The following LMBR1 variants were observed in gnomAD, a reference collection of about 807,000 sequenced individuals.
The protein encoded by LMBR1 is limb development membrane protein 1.
A neutral mutation model predicts 73.9 loss-of-function variants in LMBR1; 52 were observed. The observed-to-expected ratio is 0.70, with a 90% confidence interval of 0.56 to 0.89. The LOEUF is 0.89. Among genes scored for constraint, LMBR1 ranks in the 40% least tolerant of loss-of-function variants. LMBR1 has a pLI of 0.00. For synonymous variants in LMBR1, 215 were observed against 209.4 expected (o/e 1.03, Z -0.23); for missense variants, 539 against 579.8 (o/e 0.93, Z 0.72).
chr7:156,808,921 A>T (rs1212646530), intron 4 of LMBR1, among the ~76,000 whole-genome samples: 1 of 152,204 alleles, frequency 6.6e-6, no homozygotes, highest in East Asian at 1.9e-4. Context: ...AGAACTTCAC[A>T]ACAGTGTGCT....
chr7:156,885,030 G>A (rs538688149), intron 1 of LMBR1, among the ~76,000 whole-genome samples: 1 of 152,210 alleles, frequency 6.6e-6, no homozygotes, highest in South Asian at 2.1e-4. Flanking sequence ...CCAACTAAAT[G>A]GGAAGGTTCT....
chr7:156,687,368 T>C (rs896705348), intron 16 of LMBR1, among the ~76,000 whole-genome samples: 5 of 152,232 alleles, frequency 3.3e-5, no homozygotes, highest in Non-Finnish European at 4.4e-5. Flanking sequence ...TACTTTGTCC[T>C]GGTATTTTTA....
At chr7:156,692,987 T>C (rs1306375564) in intron 15 of LMBR1, among the ~76,000 whole-genome samples, 2 of 152,138 alleles carry the variant, frequency 1.3e-5, no homozygotes, top group African/African-American at 4.8e-5. Context: ...ATGCAAATTA[T>C]ACTAGATAGG....
rs1804939267 is a variant in LMBR1 at position 156,681,069 on chromosome 7, G to C, written c.*3009C>G. The stretch of plus-strand genomic sequence containing the variant: ...TTTTCAAGTTTAAAAAGTCGGTGCT[G>C]CATCTATGTTCACATTAAAAAAAAA... On this transcript the variant is annotated 3_prime_UTR_variant, in exon 17 of 17. Coordinates refer to ENST00000353442, the MANE Select transcript of LMBR1 (RefSeq NM_022458.4). The C allele has an allele frequency of 2.5e-6, 1 of 404,882 alleles. No individual in the cohort carries two copies. Among genetic ancestry groups the C allele is most frequent in the Non-Finnish European group, 4.7e-6 (1 of 212,274 alleles). The allele number at this position is 404,882 out of a possible 1,614,324, so 25.1% of individuals were successfully genotyped here. A position where few individuals can be genotyped will look rare whatever the true frequency, so the allele number is the denominator to read the frequency against.
chr7:156,735,275 G>C (rs1017610287), intron 9 of LMBR1, among the ~76,000 whole-genome samples: 1 of 152,042 alleles, frequency 6.6e-6, no homozygotes, highest in Non-Finnish European at 1.5e-5. Flanking sequence ...TTCCAGTATC[G>C]TCTTCAGCAC....
chr7:156,796,618 T>G, intron 4 of LMBR1, 126 bp from the exon 5 acceptor site: 1 of 509,690 alleles, frequency 2.0e-6, no homozygotes, highest in East Asian at 3.9e-5. Context: ...AACTTAGAAA[T>G]CATAAAATAA....
chr7:156,859,584 AC>A (rs1231438442), intron 1 of LMBR1, among the ~76,000 whole-genome samples: 5 of 151,542 alleles, frequency 3.3e-5, no homozygotes, highest in African/African-American at 1.2e-4. Flanking sequence ...AAAAAAAACC[AC>A]CATTTACATT....
intron 5 of LMBR1, among the ~76,000 whole-genome samples, chr7:156,787,471 T>TA (rs34665317): frequency 0.082 from 12,426 of 152,044 alleles, 709 homozygotes; most frequent in African/African-American, 0.16. Flanking sequence ...ACCAACTATG[T>TA]AAAAAAAACT....
chr7:156,686,111 G>A (rs1407905455), intron 16 of LMBR1, among the ~76,000 whole-genome samples: 2 of 152,188 alleles, frequency 1.3e-5, no homozygotes, highest in Non-Finnish European at 2.9e-5. Flanking sequence ...AGTGAAGACA[G>A]AGGATCACTG....
chr7:156,723,015 C>A (rs886713290), intron 15 of LMBR1, among the ~76,000 whole-genome samples: 10 of 152,014 alleles, frequency 6.6e-5, no homozygotes, highest in Non-Finnish European at 1.5e-4. Context: ...AAAGAGCATA[C>A]TTTTGGCATT....
intron 5 of LMBR1, among the ~76,000 whole-genome samples, chr7:156,794,309 G>A (rs1396279596): frequency 6.6e-6 from 1 of 152,162 alleles, no homozygotes; most frequent in African/African-American, 2.4e-5. Flanking sequence ...TTAAAATAGA[G>A]GAAGTAAGTG....
chr7:156,737,065 T>C lies in LMBR1; in HGVS notation c.758-2808A>G, dbSNP rs144476909. On this transcript the variant is annotated intron_variant, in intron 9 of 16. Coordinates refer to ENST00000353442, the MANE Select transcript of LMBR1 (RefSeq NM_022458.4). ...CTCCTGTGGAGCATCTCTTGTTTCC[T>C]ACGCAGCCCGTATCTTTTCTTGATT... Among the ~76,000 whole-genome samples, 1,190 of 152,304 alleles carry C rather than the reference T, an allele frequency of 7.8e-3. 9 individuals carry two copies. The highest frequency in any genetic ancestry group is 0.013 in the Non-Finnish European group (894 of 68,016).
At chr7:156,727,778 A>T (rs1816059547) in intron 12 of LMBR1, 152 bp downstream of exon 12, 4 of 425,000 alleles carry the variant, frequency 9.4e-6, no homozygotes, top group African/African-American at 8.1e-5. Flanking sequence ...CACAGTTTAT[A>T]TTTTAAAGGC....
chr7:156,839,511 A>G (rs1838267777), intron 1 of LMBR1, among the ~76,000 whole-genome samples: 1 of 132,780 alleles, frequency 7.5e-6, no homozygotes. Flanking sequence ...TGGAACATGG[A>G]AAAAAAAATT....
intron 12 of LMBR1, 57 bp from the exon 13 acceptor site, chr7:156,725,894 C>G: frequency 7.8e-7 from 1 of 1,274,342 alleles, no homozygotes; most frequent in Non-Finnish European, 1.1e-6. Context: ...ATTGGTTTCC[C>G]TAAAACAGCT....
intron 9 of LMBR1, among the ~76,000 whole-genome samples, chr7:156,743,419 C>T (rs1819271070): frequency 6.6e-6 from 1 of 152,046 alleles, no homozygotes; most frequent in South Asian, 2.1e-4. Flanking sequence ...TCTATTAGGA[C>T]ACTATATACT....
At chr7:156,677,729 T>TTA (rs1804323299), downstream of LMBR1, 1 of 152,256 alleles carries the variant, frequency 6.6e-6, no homozygotes, top group African/African-American at 2.4e-5. Context: ...GATGTACACA[T>TTA]TATATAGCTA....
In LMBR1 at chr7:156,748,567, C is replaced by G. The variant is rs561744206; in HGVS notation, c.757+7826G>C. On this transcript the variant is annotated intron_variant, in intron 9 of 16. Transcript: ENST00000353442. ...GCACTGGCATGATCTCGGCTCATTG[C>G]GACCTCTGCTGCCCAGGTTCAAGTG... 5.9e-5 allele frequency among the ~76,000 whole-genome samples: 9 copies of G among 152,160 alleles called. No homozygotes were observed. In the East Asian group the frequency reaches 1.4e-3, roughly 23 times the overall value.
chr7:156,826,483 CAAATCGT>C, intron 4 of LMBR1, 115 bp downstream of exon 4: 1 of 578,420 alleles, frequency 1.7e-6, no homozygotes, highest in Non-Finnish European at 2.7e-6. Flanking sequence ...ATTAAAGACC[CAAATCGT>C]TTACTGGAGG....
Sources: allele counts gnomAD v4.1 joint callset (sites outside exome capture counted in the v4.1 genomes callset), GRCh38; gene constraint gnomAD v4.1.1; transcripts MANE v1.5; gene names NCBI Gene and HGNC (gene_info 2026-07-23, HGNC 2026-07-21).